CNTN5: variants seen among roughly 807,000 people sequenced by gnomAD.
CNTN5 encodes contactin-5.
In CNTN5, 77 loss-of-function variants were observed where a neutral mutation model predicts 129.1. The ratio of observed to expected loss-of-function variants is 0.60; its 90% CI spans 0.50 to 0.72. CNTN5 has a LOEUF of 0.72. Among genes scored for constraint, CNTN5 ranks in the 30% least tolerant of loss-of-function variants. The pLI, the probability that CNTN5 is intolerant of heterozygous loss-of-function variation, is 0.00. For synonymous variants in CNTN5, 509 were observed against 465.6 expected (o/e 1.09, Z -1.20); for missense variants, 1,478 against 1,328.8 (o/e 1.11, Z -1.75).
At chr11:99,416,231 A>AT (rs1301608522) in intron 2 of CNTN5, among the ~76,000 whole-genome samples, 1 of 152,204 alleles carries the variant, frequency 6.6e-6, no homozygotes, top group Non-Finnish European at 1.5e-5. Flanking sequence ...TATGCAGGGT[A>AT]TTTTTTCAAC....
chr11:99,977,841 C>A (rs1421369978), intron 8 of CNTN5, among the ~76,000 whole-genome samples: 2 of 152,184 alleles, frequency 1.3e-5, no homozygotes, highest in Non-Finnish European at 2.9e-5. Flanking sequence ...CATGACATAA[C>A]AAATACACTA....
intron 1 of CNTN5, among the ~76,000 whole-genome samples, chr11:99,110,803 A>G (rs1857754674): frequency 6.6e-6 from 1 of 152,198 alleles, no homozygotes; most frequent in Admixed American, 6.6e-5. Context: ...AAAGTATTTT[A>G]GAAATGGAAA....
chr11:100,224,333 C>T (rs995288469), intron 15 of CNTN5, among the ~76,000 whole-genome samples: 33 of 152,126 alleles, frequency 2.2e-4, no homozygotes, highest in East Asian at 1.9e-4. Flanking sequence ...CCTTTCAATA[C>T]GATTTTCTTG....
chr11:99,595,728 T>G (rs1950106054), intron 3 of CNTN5, among the ~76,000 whole-genome samples: 1 of 151,064 alleles, frequency 6.6e-6, no homozygotes, highest in African/African-American at 2.4e-5. Context: ...ATTTTTATAA[T>G]GCTGATACTT....
chr11:100,178,007 G>C (rs1484479801), intron 13 of CNTN5, among the ~76,000 whole-genome samples: 1 of 152,082 alleles, frequency 6.6e-6, no homozygotes, highest in Admixed American at 6.6e-5. Flanking sequence ...CCTGTACAGA[G>C]AAAATAGGTA....
chr11:99,275,369 A>G (rs1226009804), intron 1 of CNTN5, among the ~76,000 whole-genome samples: 1 of 151,584 alleles, frequency 6.6e-6, no homozygotes, highest in Non-Finnish European at 1.5e-5. Flanking sequence ...CTTTTATACT[A>G]TAATTAAATT....
At chr11:99,553,862 A>G (rs1270095188) in intron 2 of CNTN5, among the ~76,000 whole-genome samples, 1 of 151,888 alleles carries the variant, frequency 6.6e-6, no homozygotes, top group Non-Finnish European at 1.5e-5. Context: ...GTAATTATGT[A>G]TCTTAAAAAG....
intron 2 of CNTN5, among the ~76,000 whole-genome samples, chr11:99,489,818 G>C (rs923816640): frequency 3.9e-5 from 6 of 152,122 alleles, no homozygotes; most frequent in Admixed American, 3.9e-4. Flanking sequence ...AGTGATGAAA[G>C]AGCAAAAGTG....
intron 18 of CNTN5, among the ~76,000 whole-genome samples, chr11:100,287,311 T>C (rs1403581629): frequency 7.0e-4 from 106 of 151,470 alleles, no homozygotes; most frequent in Non-Finnish European, 1.1e-3. Flanking sequence ...ATTGTCAGAT[T>C]CACCAAAGTT....
intron 3 of CNTN5, among the ~76,000 whole-genome samples, chr11:99,769,773 G>A (rs117599073): frequency 7.5e-5 from 11 of 146,998 alleles, no homozygotes; most frequent in Non-Finnish European, 1.0e-4. Context: ...TCAACATCTC[G>A]CCACTGCACT....
At chr11:99,650,860 G>A (rs538791832) in intron 3 of CNTN5, among the ~76,000 whole-genome samples, 2 of 151,934 alleles carry the variant, frequency 1.3e-5, no homozygotes, top group South Asian at 2.1e-4. Context: ...ATTATATATT[G>A]TATCTGTAAT....
intron 8 of CNTN5, among the ~76,000 whole-genome samples, chr11:99,961,471 G>A (rs1057482691): frequency 1.3e-5 from 2 of 152,198 alleles, no homozygotes; most frequent in South Asian, 2.1e-4. Context: ...AAGAAGTGGA[G>A]AAAACTAAAA....
chr11:100,114,826 C>T (rs78382697), intron 13 of CNTN5, among the ~76,000 whole-genome samples: 2,578 of 152,174 alleles, frequency 0.017, 65 homozygotes, highest in African/African-American at 0.057. Context: ...GTACCAGTCA[C>T]TATGCTTAGT....
Position 100,061,315 on chromosome 11 carries a change from G to T in CNTN5, c.1084G>T (p.Asp362Tyr). The T allele has an allele frequency of 6.2e-7, 1 of 1,613,578 alleles. No homozygotes were observed. The highest frequency in any genetic ancestry group is 8.5e-7 in the Non-Finnish European group (1 of 1,179,546). Reference protein sequence around the residue: ...AVLEIPNVQLDDAGIYECRAE... With the variant: ...AVLEIPNVQLYDAGIYECRAE... ...GCTGGAAATACCGAATGTACAGCTG[G>T]ATGATGCAGGCATTTATGAGTGCAG... The change falls in exon 10 of 25, where the codon GAT becomes TAT. Residue 362 changes from aspartate (D) to tyrosine (Y), a missense_variant. Transcript: ENST00000524871.
intron 17 of CNTN5, among the ~76,000 whole-genome samples, chr11:100,260,709 A>G (rs2138745417): frequency 6.6e-6 from 1 of 152,348 alleles, no homozygotes; most frequent in South Asian, 2.1e-4. Flanking sequence ...TGATTATCTC[A>G]ATATATGCAG....
intron 1 of CNTN5, among the ~76,000 whole-genome samples, chr11:99,267,238 A>G (rs1302278956): frequency 6.6e-6 from 1 of 152,112 alleles, no homozygotes; most frequent in African/African-American, 2.4e-5. Context: ...AGGGTTGTTC[A>G]TAGAAAATGC....
chr11:99,041,670 C>G (rs1863987859), intron 1 of CNTN5, among the ~76,000 whole-genome samples: 1 of 152,102 alleles, frequency 6.6e-6, no homozygotes, highest in African/African-American at 2.4e-5. Context: ...TAATAAGTAG[C>G]ATAATAGCAA....
chr11:99,591,272 C>G (rs1949970469), intron 3 of CNTN5, among the ~76,000 whole-genome samples: 1 of 151,626 alleles, frequency 6.6e-6, no homozygotes, highest in South Asian at 2.1e-4. Context: ...CATGATTTAC[C>G]TCTTCTCCTC....
At chr11:99,734,604 G>T (rs533913857) in intron 3 of CNTN5, among the ~76,000 whole-genome samples, 1 of 151,952 alleles carries the variant, frequency 6.6e-6, no homozygotes, top group South Asian at 2.1e-4. Context: ...CTCAAAAACA[G>T]ACTTCTAAAA....
Sources: gnomAD v4.1 joint callset for allele counts (sites outside exome capture counted in the v4.1 genomes callset) on GRCh38, gnomAD v4.1.1 for gene constraint, MANE v1.5 for transcripts, NCBI Gene and HGNC (gene_info 2026-07-23, HGNC 2026-07-21) for gene names.